The following LRP1B variants were observed in gnomAD, a reference collection of about 807,000 sequenced individuals.
The protein encoded by LRP1B is LDL receptor related protein 1B.
Under a neutral mutation model 556.6 loss-of-function variants are expected in LRP1B, and 217 were observed. The observed-to-expected ratio is 0.39, with a 90% confidence interval of 0.35 to 0.44. The LOEUF (loss-of-function observed/expected upper bound fraction) is 0.44. Ranked by LOEUF, LRP1B falls within the 20% of genes least tolerant of loss-of-function variation. LRP1B has a pLI of 1.00. For missense variants in LRP1B, 5,053 were observed against 5,620.8 expected, an observed-to-expected ratio of 0.90 and a Z score of 3.23; for synonymous variants, 2,047 against 1,865.8, an observed-to-expected ratio of 1.10 and a Z score of -2.50.
chr2:140,758,248 G>A (rs1181719072), intron 35 of LRP1B, among the ~76,000 whole-genome samples: 1 of 151,578 alleles, frequency 6.6e-6, no homozygotes, highest in Non-Finnish European at 1.5e-5. Flanking sequence ...TTTACAAATT[G>A]CTAATCATAA....
Position 141,658,920 on chromosome 2 carries a change from T to A in LRP1B, c.205+151359A>T, listed in dbSNP as rs374689288. ...TAAGATTTTTATTTTTATATTTTAT[T>A]TTAGGCAGGGTCTCGCTCTGTTGCT... On this transcript the variant is annotated intron_variant, in intron 2 of 90. Coordinates refer to ENST00000389484, the MANE Select transcript of LRP1B (RefSeq NM_018557.3). Among the ~76,000 whole-genome samples the A allele has an allele frequency of 2.1e-4, 32 of 152,272 alleles. No homozygotes were observed. The East Asian group carries it at 3.7e-3, about 17-fold the overall frequency.
At chr2:141,384,983 C>T (rs1236136460) in intron 3 of LRP1B, among the ~76,000 whole-genome samples, 1 of 152,188 alleles carries the variant, frequency 6.6e-6, no homozygotes, top group African/African-American at 2.4e-5. Context: ...GCTCTGGTCC[C>T]CTGGACCCGC....
rs1680771250 is a variant in LRP1B, at chr2:140,330,821, C to A, written c.12223+3632G>T. Among the ~76,000 whole-genome samples, 3 of 152,194 alleles carry A rather than the reference C, an allele frequency of 2.0e-5. No individual in the cohort carries two copies. In the South Asian group the frequency reaches 6.2e-4, roughly 32 times the overall value. On this transcript the variant is annotated intron_variant, in intron 79 of 90. Coordinates refer to ENST00000389484, the MANE Select transcript of LRP1B (RefSeq NM_018557.3). ...TAGACAATTTTTGCAATCCACCCATCTGACAAAAGTCTAAATTCAGAATCT... is the reference window on the plus strand; with the variant it reads ...TAGACAATTTTTGCAATCCACCCATATGACAAAAGTCTAAATTCAGAATCT...
intron 2 of LRP1B, among the ~76,000 whole-genome samples, chr2:141,605,602 C>G (rs895104545): frequency 2.6e-4 from 40 of 152,150 alleles, no homozygotes; most frequent in African/African-American, 9.7e-4. Context: ...AACTGGCAGC[C>G]TAATACTCAG....
intron 35 of LRP1B, among the ~76,000 whole-genome samples, chr2:140,747,993 A>G (rs2104882852): frequency 6.7e-6 from 1 of 150,016 alleles, no homozygotes; most frequent in East Asian, 2.0e-4. Context: ...CTGTTTAACA[A>G]CATAGTTATT....
chr2:140,541,113 G>C lies in LRP1B; in HGVS notation c.7388-15C>G, dbSNP rs11694934. ...AGAAAGTTCACCTACAATAAAGAGG[G>C]TGTATTGGTAACATTTTATATCGAA... On this transcript the variant is annotated splice_polypyrimidine_tract_variant and intron_variant, in intron 44 of 90. Coordinates refer to ENST00000389484, the MANE Select transcript of LRP1B (RefSeq NM_018557.3). 0.52 allele frequency: 832,660 copies of C among 1,587,396 alleles called. 221,549 individuals are homozygous for C. The highest frequency in any genetic ancestry group is 0.57 in the South Asian group (51,614 of 89,802).
chr2:140,780,822 AC>A (rs1302252000), intron 32 of LRP1B, among the ~76,000 whole-genome samples: 1 of 152,178 alleles, frequency 6.6e-6, no homozygotes, highest in Non-Finnish European at 1.5e-5. Flanking sequence ...GAGACTAGAA[AC>A]AAAACTTAGA....
At chr2:141,320,366 T>A (rs16855029) in intron 3 of LRP1B, among the ~76,000 whole-genome samples, 4,196 of 152,146 alleles carry the variant, frequency 0.028, 217 homozygotes, top group African/African-American at 0.096. Context: ...ATTACAAAAA[T>A]TCCTGTAGAT....
intron 77 of LRP1B, among the ~76,000 whole-genome samples, chr2:140,345,622 C>A (rs1473432368): frequency 6.8e-6 from 1 of 147,876 alleles, no homozygotes; most frequent in East Asian, 2.0e-4. Flanking sequence ...ATCTCTAGCC[C>A]AGAATATGTT....
intron 66 of LRP1B, among the ~76,000 whole-genome samples, chr2:140,425,053 GT>G (rs374064736): frequency 0.018 from 2,603 of 147,350 alleles, 79 homozygotes; most frequent in African/African-American, 0.061. Flanking sequence ...TTGGAGGGAC[GT>G]TTTTTTTTTA....
chr2:140,553,950 C>T (rs963193086), intron 43 of LRP1B, among the ~76,000 whole-genome samples: 12 of 151,882 alleles, frequency 7.9e-5, no homozygotes, highest in African/African-American at 2.7e-4. Context: ...AACCAGAAGC[C>T]GACGGGAAAG....
At chr2:141,324,363 C>T (rs571892869) in intron 3 of LRP1B, among the ~76,000 whole-genome samples, 1 of 152,098 alleles carries the variant, frequency 6.6e-6, no homozygotes, top group Non-Finnish European at 1.5e-5. Flanking sequence ...CATGCGAACA[C>T]TGGTTTTCTT....
intron 3 of LRP1B, among the ~76,000 whole-genome samples, chr2:141,405,677 A>T (rs963059229): frequency 1.3e-5 from 2 of 152,122 alleles, no homozygotes; most frequent in East Asian, 1.9e-4. Context: ...TTTTGCTGGT[A>T]CAATACTGCT....
chr2:140,957,034 T>C (rs750107901), intron 18 of LRP1B, among the ~76,000 whole-genome samples: 1 of 151,708 alleles, frequency 6.6e-6, no homozygotes, highest in Non-Finnish European at 1.5e-5. Flanking sequence ...TTGAGTATTC[T>C]CATTTTTCAG....
intron 90 of LRP1B, 166 bp downstream of exon 90, chr2:140,234,620 G>A (rs1680614763): frequency 1.9e-6 from 1 of 532,078 alleles, no homozygotes. Context: ...ATGTAATCTT[G>A]CATAGACAGG....
At chr2:141,377,491 G>GA (rs1481978453) in intron 3 of LRP1B, among the ~76,000 whole-genome samples, 1 of 151,950 alleles carries the variant, frequency 6.6e-6, no homozygotes. Context: ...ACAAAGATTT[G>GA]AAAAGTGTAA....
At chr2:141,041,135 G>T (rs1475659833) in intron 11 of LRP1B, among the ~76,000 whole-genome samples, 2 of 152,004 alleles carry the variant, frequency 1.3e-5, no homozygotes, top group African/African-American at 4.8e-5. Context: ...CTTCTCTTCT[G>T]ATATTATCAG....
rs761419079 is a variant in LRP1B at position 140,716,042 on chromosome 2, G to A, written c.5954C>T (p.Ser1985Phe). ...TTGGGAAATAATTACATAACGGAAAGAACCATTGAGTCTTGCAACTTCAAT... is the reference window on the plus strand; with the variant it reads ...TTGGGAAATAATTACATAACGGAAAAAACCATTGAGTCTTGCAACTTCAAT... ...NLIEVARLNG[S>F]FRYVIISQGL... The change falls in exon 37 of 91, where the codon TCT (serine) becomes TTT (phenylalanine). Residue 1985 changes from serine (S) to phenylalanine (F), a missense_variant. Physicochemically the swap from Ser to Phe is radical, Grantham distance 155. This residue lies in a region of LRP1B where 3,619 missense variants were observed against 3,931.9 expected (regional missense o/e 0.92). Coordinates refer to ENST00000389484, the MANE Select transcript of LRP1B (RefSeq NM_018557.3). The A allele has an allele frequency of 4.8e-5, 77 of 1,608,662 alleles. No homozygotes were observed. Among genetic ancestry groups the A allele is most frequent in the Non-Finnish European group, 6.1e-5 (72 of 1,176,000 alleles).
chr2:142,005,498 A>C (rs769559325), intron 1 of LRP1B, among the ~76,000 whole-genome samples: 1 of 152,190 alleles, frequency 6.6e-6, no homozygotes, highest in Non-Finnish European at 1.5e-5. Context: ...TGGGGCAGGA[A>C]GCACCCTGTT....
Sources: allele counts gnomAD v4.1 joint callset (sites outside exome capture counted in the v4.1 genomes callset), GRCh38; gene constraint gnomAD v4.1.1; regional missense constraint gnomAD v4.1.1; transcripts MANE v1.5; gene names NCBI Gene and HGNC (gene_info 2026-07-23, HGNC 2026-07-21).